Variants in C5orf34 observed in about 807,000 individuals in gnomAD.
C5orf34 encodes chromosome 5 open reading frame 34.
A neutral mutation model predicts 78.4 loss-of-function variants in C5orf34; 73 were observed. The observed-to-expected ratio is 0.93, with a 90% CI of 0.77 to 1.13. The LOEUF (loss-of-function observed/expected upper bound fraction) is 1.13, where lower values mean the gene tolerates loss of function less well. Ranked by LOEUF, C5orf34 falls within the 50% of genes most tolerant of loss-of-function variation. The pLI is 0.00. For missense variants in C5orf34, 730 were observed against 732.7 expected, an observed-to-expected ratio of 1.00 and a Z score of 0.04; for synonymous variants, 251 against 246.6, an observed-to-expected ratio of 1.02 and a Z score of -0.17.
At chr5:43,493,232 G>A (rs573591338) in intron 8 of C5orf34, among the ~76,000 whole-genome samples, 8 of 151,316 alleles carry the variant, frequency 5.3e-5, no homozygotes, top group African/African-American at 9.7e-5. Context: ...TTATTTTTAC[G>A]GTTATGAAAA....
chr5:43,496,301 C>T, intron 6 of C5orf34: 1 of 1,584,388 alleles, frequency 6.3e-7, no homozygotes, highest in East Asian at 2.2e-5. Flanking sequence ...TTGAAGGAGT[C>T]CTTTCCCATC....
rs1746423233 is a variant in C5orf34, at chr5:43,514,915, T to G, written c.-146A>C. On this transcript the variant is annotated 5_prime_UTR_variant, in exon 1 of 13. Coordinates refer to ENST00000306862, the MANE Select transcript of C5orf34 (RefSeq NM_198566.4). ...GCGTCGGCGCCTGCCCACCACTGCT[T>G]CTTCAGGGGTTTCTTCAGTTTGACA... is the stretch of plus-strand genomic sequence containing the variant. 6.6e-6 allele frequency: 1 copy of G among 152,102 alleles called. No individual in the cohort carries two copies. The highest frequency in any genetic ancestry group is 1.5e-5 in the Non-Finnish European group (1 of 68,026). The allele number at this position is 152,102 out of a possible 1,614,324, so 9.4% of individuals were successfully genotyped here. A position where few individuals can be genotyped will look rare whatever the true frequency, so the allele number is the denominator to read the frequency against.
rs1458631644 is a variant in C5orf34, at chr5:43,491,147, CAT to C, written c.1581-420_1581-419del. 4.6e-5 allele frequency among the ~76,000 whole-genome samples: 7 copies of C among 152,158 alleles called. No homozygotes were observed. In the East Asian group the frequency reaches 1.3e-3, roughly 29 times the overall value. Reference sequence around the variant, plus strand: ...TTAAACCAAAAAACACCTGCTAATGCATATACACATATGCTTGTATGCATATG... The same window carrying C: ...TTAAACCAAAAAACACCTGCTAATGCATACACATATGCTTGTATGCATATG... On this transcript the variant is annotated intron_variant, in intron 10 of 12. Transcript: ENST00000306862.
At chr5:43,510,650 C>A (rs1415179715) in intron 1 of C5orf34, among the ~76,000 whole-genome samples, 3 of 152,234 alleles carry the variant, frequency 2.0e-5, no homozygotes, top group African/African-American at 7.2e-5. Context: ...GCTGTGTTGG[C>A]CGGGCTGGTC....
chr5:43,499,940 T>C (rs1319294558), intron 6 of C5orf34, among the ~76,000 whole-genome samples: 1 of 152,216 alleles, frequency 6.6e-6, no homozygotes, highest in East Asian at 1.9e-4. Flanking sequence ...AACACACCCT[T>C]GGCCGTGCTT....
In C5orf34 at chr5:43,502,504, T is replaced by C. The variant is rs1206535389; in HGVS notation, c.1029-9A>G. 2.0e-6 allele frequency: 3 copies of C among 1,513,894 alleles called. No homozygotes were observed. The highest frequency in any genetic ancestry group is 2.7e-6 in the Non-Finnish European group (3 of 1,112,598). The allele number at this position is 1,513,894 out of a possible 1,614,324, so 93.8% of individuals were successfully genotyped here. On this transcript the variant is annotated splice_polypyrimidine_tract_variant and intron_variant, in intron 5 of 12. Coordinates refer to ENST00000306862, the MANE Select transcript of C5orf34 (RefSeq NM_198566.4). ...TATTTTGATGGGTAAGTCTAAGAAA[T>C]AGAAATAACCATTAAAAATTTTTTT... is the stretch of plus-strand genomic sequence containing the variant.
Position 43,494,605 on chromosome 5 carries a change from A to C in C5orf34, c.1153-4T>G. The C allele has an allele frequency of 6.5e-7, 1 of 1,548,386 alleles. No individual in the cohort carries two copies. The stretch of plus-strand genomic sequence containing the variant: ...CTGAGTAAGTTTTCTCTTCTCTCTG[A>C]AAATTAGTTAAAATGAAAAATTTCA... On this transcript the variant is annotated splice_polypyrimidine_tract_variant and splice_region_variant and intron_variant, in intron 6 of 12. Coordinates refer to ENST00000306862, the MANE Select transcript of C5orf34 (RefSeq NM_198566.4).
chr5:43,494,456 T>C (rs1745413679), intron 7 of C5orf34, 54 bp downstream of exon 7: 1 of 1,132,292 alleles, frequency 8.8e-7, no homozygotes, highest in Non-Finnish European at 1.3e-6. Flanking sequence ...CAAGAAAATG[T>C]GCCAAGATGT....
At chr5:43,501,265 A>G (rs145613832) in intron 6 of C5orf34, among the ~76,000 whole-genome samples, 2 of 152,348 alleles carry the variant, frequency 1.3e-5, no homozygotes, top group African/African-American at 2.4e-5. Flanking sequence ...GATGTACTAT[A>G]TAAACACACA....
Position 43,486,824 on chromosome 5 carries a change from CG to C in C5orf34, c.*90del. 1.6e-6 allele frequency: 1 copy of C among 611,582 alleles called. No individual in the cohort carries two copies. Among genetic ancestry groups the C allele is most frequent in the Non-Finnish European group, 2.6e-6 (1 of 388,726 alleles). The allele number at this position is 611,582 out of a possible 1,614,324, so 37.9% of individuals were successfully genotyped here. On this transcript the variant is annotated 3_prime_UTR_variant, in exon 13 of 13. Coordinates refer to ENST00000306862, the MANE Select transcript of C5orf34 (RefSeq NM_198566.4). ...TCACAATCATTGTGCCGGGGTAATA[CG>C]TACAATATCTTGGCTTACTAGTAAT...
At position 43,509,389 on chromosome 5, in the gene C5orf34, G is replaced by A; in HGVS notation, c.-36-14C>T. 3 of 1,423,700 alleles carry A rather than the reference G, an allele frequency of 2.1e-6. No individual in the cohort carries two copies. The highest frequency in any genetic ancestry group is 2.2e-5 in the Admixed American group (1 of 44,998). 88.2% of individuals were successfully genotyped at this position (1,423,700 alleles called of 1,614,324 possible). A position where few individuals can be genotyped will look rare whatever the true frequency, so the allele number is the denominator to read the frequency against. Reference sequence around the variant, plus strand: ...CTAAGTCAAAGACTGAATGAAATAGGAAAAACAACAGCATAAATAGTTCTC... The same window carrying A: ...CTAAGTCAAAGACTGAATGAAATAGAAAAAACAACAGCATAAATAGTTCTC... On this transcript the variant is annotated splice_polypyrimidine_tract_variant and intron_variant, in intron 1 of 12. Coordinates refer to ENST00000306862, the MANE Select transcript of C5orf34 (RefSeq NM_198566.4).
chr5:43,492,644 G>T, intron 9 of C5orf34, 76 bp downstream of exon 9: 1 of 1,226,126 alleles, frequency 8.2e-7, no homozygotes, highest in Non-Finnish European at 1.2e-6. Context: ...CTGAAATAGT[G>T]TGGTACTTTG....
intron 1 of C5orf34, among the ~76,000 whole-genome samples, chr5:43,512,395 C>T (rs1376791419): frequency 6.6e-6 from 1 of 152,224 alleles, no homozygotes; most frequent in Admixed American, 6.5e-5. Context: ...CACTCACTAC[C>T]AACCTTCTCT....
intron 1 of C5orf34, among the ~76,000 whole-genome samples, chr5:43,509,883 G>A (rs1746152172): frequency 6.6e-6 from 1 of 151,768 alleles, no homozygotes; most frequent in Non-Finnish European, 1.5e-5. Flanking sequence ...AGCCTCCTGA[G>A]TAGCTGGGAT....
chr5:43,497,191 G>C (rs946508467), intron 6 of C5orf34, among the ~76,000 whole-genome samples: 1 of 152,082 alleles, frequency 6.6e-6, no homozygotes, highest in Admixed American at 6.5e-5. Flanking sequence ...AGACTTGCTA[G>C]TGTTTCCCAG....
intron 4 of C5orf34, among the ~76,000 whole-genome samples, chr5:43,503,981 C>A (rs1485656985): frequency 6.6e-6 from 1 of 152,090 alleles, no homozygotes. Flanking sequence ...AATCTCAGCA[C>A]AATTACATAA....
chr5:43,502,332 C>G, intron 6 of C5orf34, 40 bp downstream of exon 6: 14 of 1,604,872 alleles, frequency 8.7e-6, no homozygotes, highest in Non-Finnish European at 1.1e-5. Context: ...AAGAGCTATA[C>G]AGCAAAACTC....
intron 6 of C5orf34, among the ~76,000 whole-genome samples, chr5:43,502,105 T>C (rs538423124): frequency 6.6e-6 from 1 of 152,320 alleles, no homozygotes; most frequent in South Asian, 2.1e-4. Context: ...TTTCAGCATT[T>C]TCCATCAATA....
intron 1 of C5orf34, chr5:43,514,089 G>C (rs1190412700): frequency 6.6e-6 from 1 of 152,152 alleles, no homozygotes; most frequent in Non-Finnish European, 1.5e-5. Context: ...ATTGTTAGCA[G>C]CCAATATTCT....
Sources: gnomAD v4.1 joint callset for allele counts (sites outside exome capture counted in the v4.1 genomes callset) on GRCh38, gnomAD v4.1.1 for gene constraint, MANE v1.5 for transcripts, NCBI Gene and HGNC (gene_info 2026-07-23, HGNC 2026-07-21) for gene names.